The following TSR2 variants were observed in gnomAD, a reference collection of about 807,000 sequenced individuals.
TSR2 encodes TSR2 ribosome maturation factor, also known as pre-rRNA-processing protein TSR2 homolog.
In TSR2, 1 loss-of-function variant was observed where a neutral mutation model predicts 13.3. The observed-to-expected ratio is 0.08, with a 90% CI of 0.03 to 0.36. TSR2 has a LOEUF of 0.36. Ranked by LOEUF, TSR2 falls within the 10% of genes least tolerant of loss-of-function variation. The pLI is 0.99. For synonymous variants in TSR2, 60 were observed against 57.7 expected, an observed-to-expected ratio of 1.04 and a Z score of -0.18; for missense variants, 120 against 151.1, an observed-to-expected ratio of 0.79 and a Z score of 1.08.
chrX:54,442,088 G>A (rs1182693267), intron 2 of TSR2, among the ~76,000 whole-genome samples: 1 of 112,399 alleles, frequency 8.9e-6, no homozygotes, highest in African/African-American at 3.2e-5. Context: ...AAGGCAAACT[G>A]TGAAACACTG....
At position 54,447,558 on chromosome X, in the gene TSR2, T is replaced by A. The variant is rs903850362; in HGVS notation, c.*3008T>A. 1.3e-5 allele frequency: 11 copies of A among 871,782 alleles called. No homozygotes were observed. The South Asian group carries it at 2.4e-4, about 19-fold the overall frequency. The allele number at this position is 871,782 out of a possible 1,213,427, so 71.8% of individuals were successfully genotyped here. ...TAGGGACTGCTATTCCTATCTCAGATGAAGACGCTCAAGCTCAGGTGGCAG... is the reference window on the plus strand; with the variant it reads ...TAGGGACTGCTATTCCTATCTCAGAAGAAGACGCTCAAGCTCAGGTGGCAG... On this transcript the variant is annotated 3_prime_UTR_variant, in exon 5 of 5. Transcript: ENST00000375151.
In TSR2 at chrX:54,446,243, G is replaced by A; in HGVS notation, c.*1693G>A. 1 of 1,211,967 alleles carries A rather than the reference G, an allele frequency of 8.3e-7. No individual in the cohort carries two copies. The highest frequency in any genetic ancestry group is 1.1e-6 in the Non-Finnish European group (1 of 895,515). The stretch of plus-strand genomic sequence containing the variant: ...CAGAACGTGTCCCCTCGGCCCGCCC[G>A]GCCAAGCACAGCCATCCAGCGTCGC... On this transcript the variant is annotated 3_prime_UTR_variant, in exon 5 of 5. Coordinates refer to ENST00000375151, the MANE Select transcript of TSR2 (RefSeq NM_058163.3).
Position 54,447,917 on chromosome X carries a change from GA to G in TSR2, c.*3368del, listed in dbSNP as rs1922272218. Among the ~76,000 whole-genome samples, 1 of 111,944 alleles carries G rather than the reference GA, an allele frequency of 8.9e-6. No individual in the cohort carries two copies. Among genetic ancestry groups the G allele is most frequent in the Non-Finnish European group, 1.9e-5 (1 of 53,279 alleles). The stretch of plus-strand genomic sequence containing the variant: ...AATGTATTGACTTGGAGAGCAAAGA[GA>G]GCTGATGTGAGAATTAAATGAATTA... On this transcript the variant is annotated 3_prime_UTR_variant, in exon 5 of 5. Transcript: ENST00000375151.
Position 54,446,019 on chromosome X carries a change from G to C in TSR2, c.*1469G>C. 2.9e-6 allele frequency: 2 copies of C among 696,185 alleles called. No homozygotes were observed. The highest frequency in any genetic ancestry group is 4.8e-4 in the Middle Eastern group (1 of 2,105). The allele number at this position is 696,185 out of a possible 1,213,427, so 57.4% of individuals were successfully genotyped here. A position where few individuals can be genotyped will look rare whatever the true frequency, so the allele number is the denominator to read the frequency against. ...TGCCCGTGATGGGAGTTCAAGTATT[G>C]ACTGAGCTGGGAGGGAAGGGGCTAG... On this transcript the variant is annotated 3_prime_UTR_variant, in exon 5 of 5. Transcript: ENST00000375151.
intron 2 of TSR2, 42 bp from the exon 3 acceptor site, chrX:54,443,358 T>A: frequency 9.9e-7 from 1 of 1,011,440 alleles, no homozygotes; most frequent in Non-Finnish European, 1.4e-6. Flanking sequence ...GTGATGAAGT[T>A]GGCTGGTCTT....
rs759438651 is a variant in TSR2, at chrX:54,445,499, AAC to A, written c.*955_*956del. On this transcript the variant is annotated 3_prime_UTR_variant, in exon 5 of 5. Transcript: ENST00000375151. ...ACTGTATTTTTCTTAAAAAAAAAAA[AAC>A]ACACAAAAAAACACAAAAAACTGAG... 9.1e-5 allele frequency: 10 copies of A among 110,152 alleles called. No individual in the cohort carries two copies. The highest frequency in any genetic ancestry group is 4.8e-3 in the Middle Eastern group (1 of 209). 9.1% of individuals were successfully genotyped at this position (110,152 alleles called of 1,213,427 possible).
rs1229064448 is a variant in TSR2, at chrX:54,447,168, G to A, written c.*2618G>A. ...TCTCTAGCCAGTCTTTGTCTCTCAA[G>A]GGTTGGGGTTCTGATTTCCTCTTAG... On this transcript the variant is annotated 3_prime_UTR_variant, in exon 5 of 5. Transcript: ENST00000375151. The A allele has an allele frequency of 1.6e-6, 1 of 638,820 alleles. No homozygotes were observed. The allele number at this position is 638,820 out of a possible 1,213,427, so 52.6% of individuals were successfully genotyped here.
rs1348737462 is a variant in TSR2 at position 54,447,612 on chromosome X, A to G, written c.*3062A>G. ...TGATTTGTCCAGTGCCACCCAGTGAATCAGCTAGAGCTGAGATTCAAAGCT... is the reference window on the plus strand; with the variant it reads ...TGATTTGTCCAGTGCCACCCAGTGAGTCAGCTAGAGCTGAGATTCAAAGCT... On this transcript the variant is annotated 3_prime_UTR_variant, in exon 5 of 5. Transcript: ENST00000375151. Among the ~76,000 whole-genome samples, 1 of 112,561 alleles carries G rather than the reference A, an allele frequency of 8.9e-6. No individual in the cohort carries two copies. Among genetic ancestry groups the G allele is most frequent in the East Asian group, 2.8e-4 (1 of 3,601 alleles).
At chrX:54,441,121 A>G (rs1485782510) in intron 2 of TSR2, among the ~76,000 whole-genome samples, 1 of 112,807 alleles carries the variant, frequency 8.9e-6, no homozygotes, top group Non-Finnish European at 1.9e-5. Flanking sequence ...TTAATAAAGC[A>G]AAAAGCAGAT....
chrX:54,447,386 G>A lies in TSR2; in HGVS notation c.*2836G>A, dbSNP rs776045582. The A allele has an allele frequency of 7.4e-6, 9 of 1,211,507 alleles. No homozygotes were observed. The highest frequency in any genetic ancestry group is 1.0e-5 in the Non-Finnish European group (9 of 895,169). ...CGAACCATGCCTTGTGCCATCCTTT[G>A]CCACCCTTCTCCATGTAGTGCAGGA... On this transcript the variant is annotated 3_prime_UTR_variant, in exon 5 of 5. Transcript: ENST00000375151.
chrX:54,441,083 T>C (rs1292446831), intron 2 of TSR2, among the ~76,000 whole-genome samples: 2 of 112,229 alleles, frequency 1.8e-5, no homozygotes, highest in African/African-American at 6.5e-5. Context: ...GCTAGTCACA[T>C]ATAATTTAAA....
chrX:54,447,016 G>A lies in TSR2; in HGVS notation c.*2466G>A, dbSNP rs960903904. On this transcript the variant is annotated 3_prime_UTR_variant, in exon 5 of 5. Coordinates refer to ENST00000375151, the MANE Select transcript of TSR2 (RefSeq NM_058163.3). ...TGGGATTACAGGCGTGAGCCACTGC[G>A]CTCGGTCCCATCTGCATACTCTTAC... Among the ~76,000 whole-genome samples, 4 of 111,248 alleles carry A rather than the reference G, an allele frequency of 3.6e-5. No homozygotes were observed. The Admixed American group carries it at 3.8e-4, about 11-fold the overall frequency.
intron 2 of TSR2, among the ~76,000 whole-genome samples, chrX:54,441,713 A>G (rs1237452662): frequency 1.8e-5 from 2 of 110,987 alleles, no homozygotes; most frequent in African/African-American, 6.6e-5. Flanking sequence ...GGAGCTCAGT[A>G]TTGGAGTATG....
At position 54,444,642 on chromosome X, in the gene TSR2, A is replaced by G; in HGVS notation, c.*92A>G. 1 of 931,281 alleles carries G rather than the reference A, an allele frequency of 1.1e-6. No homozygotes were observed. Among genetic ancestry groups the G allele is most frequent in the Middle Eastern group, 2.8e-4 (1 of 3,562 alleles). 76.7% of individuals were successfully genotyped at this position (931,281 alleles called of 1,213,427 possible). A position where few individuals can be genotyped will look rare whatever the true frequency, so the allele number is the denominator to read the frequency against. On this transcript the variant is annotated 3_prime_UTR_variant, in exon 5 of 5. Transcript: ENST00000375151. ...TTTTTTGAGGATTGCAGACCTGTGG[A>G]CTGGTTACCCCATCTCCACCCTCTC...
At chrX:54,442,068 A>G (rs1418413343) in intron 2 of TSR2, among the ~76,000 whole-genome samples, 6 of 112,301 alleles carry the variant, frequency 5.3e-5, no homozygotes, top group African/African-American at 1.9e-4. Flanking sequence ...AGCAGAACAG[A>G]TATTTCTCAA....
At position 54,443,555 on chromosome X, in the gene TSR2, T is replaced by A. The variant is rs1922006705; in HGVS notation, c.264+64T>A. On this transcript the variant is annotated intron_variant, in intron 3 of 4. Coordinates refer to ENST00000375151, the MANE Select transcript of TSR2 (RefSeq NM_058163.3). ...GTAGTCTTTCTTCTCCCCAGCTGTC[T>A]GTTTTGGGCCAAGACTCTTGACTAT... 5 of 867,523 alleles carry A rather than the reference T, an allele frequency of 5.8e-6. No individual in the cohort carries two copies. In the East Asian group the frequency reaches 1.6e-4, roughly 28 times the overall value. 71.5% of individuals were successfully genotyped at this position (867,523 alleles called of 1,213,427 possible).
At position 54,447,226 on chromosome X, in the gene TSR2, T is replaced by C. The variant is rs1166215277; in HGVS notation, c.*2676T>C. On this transcript the variant is annotated 3_prime_UTR_variant, in exon 5 of 5. Transcript: ENST00000375151. ...CTCACCTTATCTTCCAAGGCTCACC[T>C]TATCTTCCAAGGCCAAGGAGAGGTC... 5 of 1,064,535 alleles carry C rather than the reference T, an allele frequency of 4.7e-6. No individual in the cohort carries two copies. The Admixed American group carries it at 1.1e-4, about 24-fold the overall frequency. The allele number at this position is 1,064,535 out of a possible 1,213,427, so 87.7% of individuals were successfully genotyped here.
In TSR2 at chrX:54,447,718, C is replaced by T. The variant is rs1922263239; in HGVS notation, c.*3168C>T. Among the ~76,000 whole-genome samples, 1 of 112,511 alleles carries T rather than the reference C, an allele frequency of 8.9e-6. No individual in the cohort carries two copies. Among genetic ancestry groups the T allele is most frequent in the Non-Finnish European group, 1.9e-5 (1 of 53,320 alleles). On this transcript the variant is annotated 3_prime_UTR_variant, in exon 5 of 5. Coordinates refer to ENST00000375151, the MANE Select transcript of TSR2 (RefSeq NM_058163.3). ...AGTGTGCGGATCTCAGGCATTCTTT[C>T]TTCAGTCAGAGCATTCATTCCTCAA...
In TSR2 at chrX:54,445,883, G is replaced by A. The variant is rs368323966; in HGVS notation, c.*1333G>A. 2.7e-5 allele frequency: 11 copies of A among 404,896 alleles called. No individual in the cohort carries two copies. Among genetic ancestry groups the A allele is most frequent in the East Asian group, 2.1e-4 (5 of 23,589 alleles). 33.4% of individuals were successfully genotyped at this position (404,896 alleles called of 1,213,427 possible). On this transcript the variant is annotated 3_prime_UTR_variant, in exon 5 of 5. Transcript: ENST00000375151. ...TGGCAACGGCTCCCACCCTCCCTGGGGACAGGGATTAATAAAAATTGACAT... is the reference window on the plus strand; with the variant it reads ...TGGCAACGGCTCCCACCCTCCCTGGAGACAGGGATTAATAAAAATTGACAT...
Sources: allele counts gnomAD v4.1 joint callset (sites outside exome capture counted in the v4.1 genomes callset), GRCh38; gene constraint gnomAD v4.1.1; transcripts MANE v1.5; gene names NCBI Gene and HGNC (gene_info 2026-07-23, HGNC 2026-07-21).